Variants in DLG2 observed in about 807,000 individuals in gnomAD.
DLG2 encodes disks large homolog 2.
In DLG2, 45 loss-of-function variants were observed where a neutral mutation model predicts 132.5. The observed-to-expected ratio is 0.34, with a 90% CI of 0.27 to 0.44. The LOEUF (loss-of-function observed/expected upper bound fraction) is 0.44. Ranked by LOEUF, DLG2 falls within the 20% of genes least tolerant of loss-of-function variation. DLG2 has a pLI of 1.00. For missense variants in DLG2, 1,045 were observed against 1,196.9 expected (o/e 0.87, Z 1.87); for synonymous variants, 424 against 419.6 (o/e 1.01, Z -0.13).
At position 84,981,369 on chromosome 11, in the gene DLG2, G is replaced by A. The variant is rs193246522; in HGVS notation, c.357+130292C>T. On this transcript the variant is annotated intron_variant, in intron 6 of 27. Transcript: ENST00000376104. ...AGAGTTATGAGGAAGGGTCGTGACC[G>A]TAGGCCAAATCCAAATAATACTGAG... Among the ~76,000 whole-genome samples, 5 of 152,232 alleles carry A rather than the reference G, an allele frequency of 3.3e-5. No individual in the cohort carries two copies. The South Asian group carries it at 6.2e-4, about 19-fold the overall frequency.
chr11:84,373,546 G>T (rs1272128064), intron 7 of DLG2, among the ~76,000 whole-genome samples: 2 of 151,842 alleles, frequency 1.3e-5, no homozygotes, highest in African/African-American at 4.8e-5. Flanking sequence ...CTCCAGCCTG[G>T]GTGACAGAGC....
intron 3 of DLG2, among the ~76,000 whole-genome samples, chr11:85,380,036 T>C (rs1254322503): frequency 6.6e-6 from 1 of 152,222 alleles, no homozygotes; most frequent in Non-Finnish European, 1.5e-5. Flanking sequence ...GTACTACGTT[T>C]GATTTTCCAC....
In DLG2 at chr11:84,606,596, A is replaced by G. The variant is rs181836371; in HGVS notation, c.358-71865T>C. ...ATTTTTAAAAATTAATTGATGGATTAAATGGCAATTGTGACACATAAGTGA... is the reference window on the plus strand; with the variant it reads ...ATTTTTAAAAATTAATTGATGGATTGAATGGCAATTGTGACACATAAGTGA... On this transcript the variant is annotated intron_variant, in intron 6 of 27. Coordinates refer to ENST00000376104, the MANE Select transcript of DLG2 (RefSeq NM_001142699.3). Among the ~76,000 whole-genome samples the G allele has an allele frequency of 4.6e-5, 7 of 152,244 alleles. No individual in the cohort carries two copies. The East Asian group carries it at 1.3e-3, about 29-fold the overall frequency.
chr11:83,678,435 T>C (rs879136472), intron 18 of DLG2, among the ~76,000 whole-genome samples: 4 of 152,186 alleles, frequency 2.6e-5, no homozygotes, highest in Admixed American at 2.6e-4. Context: ...TCATAGTTTC[T>C]TCCTGCACTA....
intron 10 of DLG2, among the ~76,000 whole-genome samples, chr11:84,068,833 T>C (rs982438017): frequency 6.6e-6 from 1 of 152,206 alleles, no homozygotes; most frequent in African/African-American, 2.4e-5. Flanking sequence ...AAGTAGATAT[T>C]GTCGCCTTCA....
At chr11:84,588,542 GC>G (rs1419489699) in intron 6 of DLG2, among the ~76,000 whole-genome samples, 1 of 152,066 alleles carries the variant, frequency 6.6e-6, no homozygotes, top group Non-Finnish European at 1.5e-5. Flanking sequence ...GGACTCTGAA[GC>G]CCTTTTGTCA....
chr11:84,570,129 T>A (rs551307584), intron 6 of DLG2, among the ~76,000 whole-genome samples: 1 of 152,168 alleles, frequency 6.6e-6, no homozygotes, highest in African/African-American at 2.4e-5. Flanking sequence ...GATTCTATGA[T>A]TTGGCATATA....
At chr11:84,447,158 C>T (rs2099037633) in intron 7 of DLG2, among the ~76,000 whole-genome samples, 1 of 152,108 alleles carries the variant, frequency 6.6e-6, no homozygotes, top group Admixed American at 6.5e-5. Context: ...GTAAGACAGA[C>T]CACCACCATC....
chr11:83,530,830 ACT>A (rs910791790), intron 21 of DLG2, among the ~76,000 whole-genome samples: 1 of 151,886 alleles, frequency 6.6e-6, no homozygotes, highest in Non-Finnish European at 1.5e-5. Flanking sequence ...TATATAGAAA[ACT>A]CTGAGGAATT....
intron 6 of DLG2, among the ~76,000 whole-genome samples, chr11:84,671,086 G>C (rs541392872): frequency 2.0e-5 from 3 of 150,872 alleles, no homozygotes; most frequent in Non-Finnish European, 4.4e-5. Context: ...GGGATTTACC[G>C]AGTACAATAA....
chr11:85,368,759 G>T (rs754541754), intron 3 of DLG2, among the ~76,000 whole-genome samples: 14 of 152,220 alleles, frequency 9.2e-5, no homozygotes, highest in Non-Finnish European at 1.9e-4. Flanking sequence ...CCCAAAGGTA[G>T]ACAGCTTCTA....
At chr11:84,798,330 C>A (rs1178633737) in intron 6 of DLG2, among the ~76,000 whole-genome samples, 3 of 151,418 alleles carry the variant, frequency 2.0e-5, no homozygotes, top group South Asian at 4.2e-4. Flanking sequence ...GTAAAAAAAA[C>A]CATCAAAATT....
chr11:84,564,186 G>T (rs1216298834), intron 6 of DLG2, among the ~76,000 whole-genome samples: 2 of 152,156 alleles, frequency 1.3e-5, no homozygotes, highest in African/African-American at 2.4e-5. Context: ...GGTTGCAAAG[G>T]CTCGTCTATG....
intron 18 of DLG2, among the ~76,000 whole-genome samples, chr11:83,690,350 C>G (rs534544481): frequency 3.0e-4 from 45 of 151,628 alleles, no homozygotes; most frequent in African/African-American, 1.0e-3. Flanking sequence ...CCCAAAAACT[C>G]TGTGGCCTAC....
At chr11:83,712,502 T>C (rs563644311) in intron 18 of DLG2, among the ~76,000 whole-genome samples, 29 of 152,170 alleles carry the variant, frequency 1.9e-4, no homozygotes, top group East Asian at 5.8e-4. Flanking sequence ...TGGTGTTGCA[T>C]GCCTGTAATC....
chr11:84,617,786 T>C (rs767090465), intron 6 of DLG2, among the ~76,000 whole-genome samples: 2 of 151,924 alleles, frequency 1.3e-5, no homozygotes, highest in Non-Finnish European at 2.9e-5. Context: ...AGAAGGGAGG[T>C]AAACACCAGG....
chr11:84,826,453 C>A (rs560456934), intron 6 of DLG2, among the ~76,000 whole-genome samples: 1 of 151,860 alleles, frequency 6.6e-6, no homozygotes, highest in Non-Finnish European at 1.5e-5. Flanking sequence ...AATACAAACT[C>A]GTTCCAATCA....
intron 11 of DLG2, among the ~76,000 whole-genome samples, chr11:84,033,435 G>A (rs1434553568): frequency 1.3e-5 from 2 of 152,182 alleles, no homozygotes; most frequent in Non-Finnish European, 2.9e-5. Context: ...CTGAATTGCT[G>A]CAATCTCGTA....
chr11:84,425,623 G>A (rs1388699918), intron 7 of DLG2, among the ~76,000 whole-genome samples: 2 of 151,958 alleles, frequency 1.3e-5, no homozygotes, highest in Non-Finnish European at 2.9e-5. Flanking sequence ...GGAAGTTAAC[G>A]GAATGCTATA....
Sources: allele counts gnomAD v4.1 joint callset (sites outside exome capture counted in the v4.1 genomes callset), GRCh38; gene constraint gnomAD v4.1.1; transcripts MANE v1.5; gene names NCBI Gene and HGNC (gene_info 2026-07-23, HGNC 2026-07-21).